Variants in CMC2 observed in about 807,000 individuals in gnomAD.
CMC2 encodes COX assembly mitochondrial protein 2 homolog.
Under a neutral mutation model 7.5 loss-of-function variants are expected in CMC2, and 5 were observed. The observed-to-expected ratio is 0.66, with a 90% CI of 0.35 to 1.40. The LOEUF is 1.40. Among genes scored for constraint, CMC2 ranks in the 40% most tolerant of loss-of-function variants. The pLI, the probability that CMC2 is intolerant of heterozygous loss-of-function variation, is 0.04. For synonymous variants in CMC2, 37 were observed against 31.4 expected (o/e 1.18, Z -0.60); for missense variants, 115 against 92.3 (o/e 1.25, Z -1.01).
At chr16:80,996,689 A>T (rs975143237) in intron 2 of CMC2, among the ~76,000 whole-genome samples, 1 of 152,222 alleles carries the variant, frequency 6.6e-6, no homozygotes, top group Non-Finnish European at 1.5e-5. Context: ...TAAAGAAAAA[A>T]CAAATGCTTC....
At chr16:80,990,100 C>T (rs1209772195) in intron 2 of CMC2, among the ~76,000 whole-genome samples, 1 of 82,880 alleles carries the variant, frequency 1.2e-5, no homozygotes, top group East Asian at 3.0e-4. Flanking sequence ...TTTTTTCATT[C>T]CCTCCCCTTT....
intron 3 of CMC2, among the ~76,000 whole-genome samples, chr16:80,979,086 A>T (rs1289804216): frequency 6.6e-6 from 1 of 150,498 alleles, no homozygotes; most frequent in East Asian, 1.9e-4. Context: ...GGCAAAAAAA[A>T]TAAAAAAATA....
Position 81,006,839 on chromosome 16 carries a change from G to A in CMC2, c.-141C>T, listed in dbSNP as rs1969408519. ...CAGACAGCTGAACCGCTTGCCAGAC[G>A]CCGAAACCCAGTGACGCCCTCCACC... On this transcript the variant is annotated 5_prime_UTR_variant, in exon 1 of 4. Coordinates refer to ENST00000219400, the MANE Select transcript of CMC2 (RefSeq NM_020188.5). The A allele has an allele frequency of 7.1e-6, 7 of 985,552 alleles. No homozygotes were observed. The South Asian group carries it at 1.4e-4, about 20-fold the overall frequency. 61.1% of individuals were successfully genotyped at this position (985,552 alleles called of 1,614,324 possible).
Position 80,992,715 on chromosome 16 carries a change from T to C in CMC2, c.81+4599A>G, listed in dbSNP as rs1219963677. Among the ~76,000 whole-genome samples the C allele has an allele frequency of 7.7e-5, 6 of 77,844 alleles. No homozygotes were observed. In the South Asian group the frequency reaches 4.2e-3, roughly 55 times the overall value. The allele number at this position is 77,844 out of a possible 152,430, so 51.1% of individuals were successfully genotyped here. On this transcript the variant is annotated intron_variant, in intron 2 of 3. Coordinates refer to ENST00000219400, the MANE Select transcript of CMC2 (RefSeq NM_020188.5). Reference sequence around the variant, plus strand: ...CTCTTATTCCCCCTCCTTTTTTTTTTTTTTTTTGTGTAAAGACAGGGTCTC... The same window carrying C: ...CTCTTATTCCCCCTCCTTTTTTTTTCTTTTTTTGTGTAAAGACAGGGTCTC...
intron 3 of CMC2, among the ~76,000 whole-genome samples, chr16:80,979,690 G>C (rs149726292): frequency 6.6e-6 from 1 of 151,212 alleles, no homozygotes; most frequent in Non-Finnish European, 1.5e-5. Flanking sequence ...ATGTGATCTG[G>C]GCTCACCGCA....
In CMC2 at chr16:81,006,879, C is replaced by G; in HGVS notation, c.-181G>C. 2.0e-6 allele frequency: 2 copies of G among 986,222 alleles called. No homozygotes were observed. Among genetic ancestry groups the G allele is most frequent in the Non-Finnish European group, 2.4e-6 (2 of 830,582 alleles). The allele number at this position is 986,222 out of a possible 1,614,324, so 61.1% of individuals were successfully genotyped here. A position where few individuals can be genotyped will look rare whatever the true frequency, so the allele number is the denominator to read the frequency against. ...CGCCCTCCACCGCTCCACCGTGCTC[C>G]CGGCTCCTCGCCCCCGCCGCCCGCG... On this transcript the variant is annotated 5_prime_UTR_variant, in exon 1 of 4. Coordinates refer to ENST00000219400, the MANE Select transcript of CMC2 (RefSeq NM_020188.5).
chr16:80,997,305 A>G lies in CMC2; in HGVS notation c.81+9T>C. The G allele has an allele frequency of 9.6e-7, 1 of 1,041,960 alleles. No individual in the cohort carries two copies. Among genetic ancestry groups the G allele is most frequent in the Non-Finnish European group, 1.4e-6 (1 of 690,714 alleles). 64.5% of individuals were successfully genotyped at this position (1,041,960 alleles called of 1,614,324 possible). The stretch of plus-strand genomic sequence containing the variant: ...TTTTGGCTGTACAGTCGTTTTTCTG[A>G]ACTCTTACATTTTTGTGACATTCCT... On this transcript the variant is annotated intron_variant, in intron 2 of 3. Transcript: ENST00000219400.
chr16:80,997,292 A>G (rs1395170793), intron 2 of CMC2, 22 bp downstream of exon 2: 3 of 1,240,452 alleles, frequency 2.4e-6, no homozygotes, highest in Admixed American at 1.7e-5. Flanking sequence ...TTGGCTGTAC[A>G]GTCGTTTTTC....
chr16:80,998,220 C>T (rs192754146), intron 1 of CMC2: 6 of 151,750 alleles, frequency 4.0e-5, no homozygotes, highest in East Asian at 1.9e-4. Context: ...CATGAGCTAC[C>T]GTGCCCCACC....
chr16:80,979,517 T>C (rs1451996277), intron 3 of CMC2, among the ~76,000 whole-genome samples: 1 of 152,106 alleles, frequency 6.6e-6, no homozygotes, highest in Non-Finnish European at 1.5e-5. Context: ...AAACCTATGT[T>C]ATACAGCTGA....
intron 3 of CMC2, among the ~76,000 whole-genome samples, chr16:80,977,505 T>C (rs1052173740): frequency 2.0e-5 from 3 of 152,096 alleles, no homozygotes; most frequent in Non-Finnish European, 4.4e-5. Context: ...AACATCAGAA[T>C]CTTTTAGGAG....
At chr16:80,987,083 A>C (rs904863528) in intron 2 of CMC2, among the ~76,000 whole-genome samples, 6 of 152,194 alleles carry the variant, frequency 3.9e-5, no homozygotes, top group Non-Finnish European at 8.8e-5. Flanking sequence ...ACATCCACCA[A>C]ATTTGCCAGT....
intron 1 of CMC2, among the ~76,000 whole-genome samples, chr16:81,002,063 T>C (rs1003068563): frequency 6.6e-6 from 1 of 152,240 alleles, no homozygotes; most frequent in African/African-American, 2.4e-5. Flanking sequence ...CGTACCAATA[T>C]TCTGCACCTA....
At chr16:80,989,238 A>G (rs1296696614) in intron 2 of CMC2, among the ~76,000 whole-genome samples, 1 of 152,302 alleles carries the variant, frequency 6.6e-6, no homozygotes, top group East Asian at 1.9e-4. Context: ...TACTGACTAA[A>G]TCAATTACTA....
intron 3 of CMC2, among the ~76,000 whole-genome samples, chr16:80,979,274 A>G (rs954701090): frequency 6.6e-6 from 1 of 152,186 alleles, no homozygotes; most frequent in Non-Finnish European, 1.5e-5. Context: ...TACAAATTAG[A>G]GAATAAAGTA....
chr16:81,006,190 G>GA (rs112743635), intron 1 of CMC2, among the ~76,000 whole-genome samples: 1,662 of 150,140 alleles, frequency 0.011, 24 homozygotes, highest in African/African-American at 0.035. Context: ...TACTTTCCTG[G>GA]AAAAAAAAAG....
rs555920308 is a variant in CMC2 at position 80,973,862 on chromosome 16, T to C, written c.*2231A>G. 6.6e-6 allele frequency: 1 copy of C among 152,302 alleles called. No individual in the cohort carries two copies. Among genetic ancestry groups the C allele is most frequent in the South Asian group, 2.1e-4 (1 of 4,824 alleles). 9.4% of individuals were successfully genotyped at this position (152,302 alleles called of 1,614,324 possible). ...AGTAAGACCTAAAAACAGTAGGTGG[T>C]TTGAATATCCCATAAAAACGTACTC... On this transcript the variant is annotated 3_prime_UTR_variant, in exon 4 of 4. Coordinates refer to ENST00000219400, the MANE Select transcript of CMC2 (RefSeq NM_020188.5).
chr16:81,000,428 G>A (rs562762309), intron 1 of CMC2, among the ~76,000 whole-genome samples: 2 of 152,192 alleles, frequency 1.3e-5, no homozygotes, highest in East Asian at 1.9e-4. Context: ...CCCAGGAGGC[G>A]GAGGTTGCAG....
chr16:81,003,090 G>C (rs770542226), intron 1 of CMC2, among the ~76,000 whole-genome samples: 92 of 152,208 alleles, frequency 6.0e-4, no homozygotes, highest in Non-Finnish European at 1.1e-3. Context: ...TGTGTCACTT[G>C]GCTTTGCCTA....
Sources: gnomAD v4.1 joint callset for allele counts (sites outside exome capture counted in the v4.1 genomes callset) on GRCh38, gnomAD v4.1.1 for gene constraint, MANE v1.5 for transcripts, NCBI Gene and HGNC (gene_info 2026-07-23, HGNC 2026-07-21) for gene names.